NHSL1: variants seen among roughly 807,000 people sequenced by gnomAD.
NHSL1 encodes the protein NHS like 1, also known as NHS-like protein 1.
A neutral mutation model predicts 95.0 loss-of-function variants in NHSL1; 48 were observed. The observed-to-expected ratio is 0.51, with a 90% CI of 0.40 to 0.64. The LOEUF is 0.64. Ranked by LOEUF, NHSL1 falls within the 30% of genes least tolerant of loss-of-function variation. The pLI is 0.00. For missense variants in NHSL1, 1,971 were observed against 2,077.7 expected (o/e 0.95, Z 1.00); for synonymous variants, 783 against 833.9 (o/e 0.94, Z 1.05).
chr6:138,602,339 T>C (rs758499764), intron 1 of NHSL1, among the ~76,000 whole-genome samples: 3 of 152,042 alleles, frequency 2.0e-5, no homozygotes, highest in Non-Finnish European at 2.9e-5. Flanking sequence ...CGGTTATTGT[T>C]TTCTGTTTTT....
chr6:138,567,473 C>T (rs1267948171), intron 1 of NHSL1, among the ~76,000 whole-genome samples: 1 of 152,110 alleles, frequency 6.6e-6, no homozygotes, highest in East Asian at 1.9e-4. Context: ...ATTTTATTAT[C>T]AGAAATAGAT....
At chr6:138,484,088 T>G (rs1374698772) in intron 2 of NHSL1, among the ~76,000 whole-genome samples, 1 of 152,206 alleles carries the variant, frequency 6.6e-6, no homozygotes, top group Non-Finnish European at 1.5e-5. Context: ...GAAGATGATG[T>G]CTGGTGCACC....
At position 138,488,016 on chromosome 6, in the gene NHSL1, G is replaced by A. The variant is rs144370686; in HGVS notation, c.211+8203C>T. On this transcript the variant is annotated intron_variant, in intron 2 of 7. Coordinates refer to ENST00000343505, the MANE Select transcript of NHSL1 (RefSeq NM_001144060.2). ...TAAGTGGCTGGGCGTGGTGGCTCAC[G>A]TCTATAATCCCAGCACTTTGGGAGG... Among the ~76,000 whole-genome samples, 13 of 152,226 alleles carry A rather than the reference G, an allele frequency of 8.5e-5. No homozygotes were observed. In the East Asian group the frequency reaches 9.6e-4, roughly 11 times the overall value.
At chr6:138,604,581 A>C (rs889745180) in intron 1 of NHSL1, among the ~76,000 whole-genome samples, 9 of 152,202 alleles carry the variant, frequency 5.9e-5, no homozygotes, top group African/African-American at 2.2e-4. Flanking sequence ...TATCTGGTGA[A>C]TGAATGAATG....
intron 1 of NHSL1, among the ~76,000 whole-genome samples, chr6:138,682,831 C>G (rs2114788661): frequency 6.6e-6 from 1 of 152,288 alleles, no homozygotes; most frequent in South Asian, 2.1e-4. Flanking sequence ...TGTTTTTCAC[C>G]AAGCTCCCAG....
intron 1 of NHSL1, among the ~76,000 whole-genome samples, chr6:138,682,924 T>C (rs1368091588): frequency 6.6e-6 from 1 of 152,064 alleles, no homozygotes; most frequent in Non-Finnish European, 1.5e-5. Flanking sequence ...AAAGCCGAGG[T>C]GCAGGCTGAG....
chr6:138,579,693 G>A (rs997731412), intron 1 of NHSL1, among the ~76,000 whole-genome samples: 1 of 152,154 alleles, frequency 6.6e-6, no homozygotes, highest in Non-Finnish European at 1.5e-5. Context: ...GATCTGCTGG[G>A]TTCTACTAGG....
chr6:138,499,845 A>T (rs1421962945), upstream of NHSL1, among the ~76,000 whole-genome samples: 2 of 152,196 alleles, frequency 1.3e-5, no homozygotes, highest in Admixed American at 6.5e-5. Flanking sequence ...GGGGGGAAAA[A>T]AACCAAACTA....
chr6:138,667,107 G>A (rs922982771), intron 1 of NHSL1, among the ~76,000 whole-genome samples: 13 of 152,068 alleles, frequency 8.5e-5, no homozygotes, highest in African/African-American at 3.1e-4. Context: ...AGCCATTAGC[G>A]TTTCAGAGCT....
At chr6:138,469,393 C>T (rs1778605839) in intron 3 of NHSL1, among the ~76,000 whole-genome samples, 1 of 152,148 alleles carries the variant, frequency 6.6e-6, no homozygotes, top group East Asian at 1.9e-4. Flanking sequence ...ATCTTTGTCA[C>T]TGACAGCAGC....
upstream of NHSL1, among the ~76,000 whole-genome samples, chr6:138,546,330 C>A (rs1184547743): frequency 6.8e-6 from 1 of 146,336 alleles, no homozygotes; most frequent in East Asian, 2.1e-4. Context: ...GTGGCTCACA[C>A]CTATAATCCC....
intron 1 of NHSL1, among the ~76,000 whole-genome samples, chr6:138,566,253 C>T (rs1252109722): frequency 6.6e-6 from 1 of 151,618 alleles, no homozygotes; most frequent in African/African-American, 2.4e-5. Flanking sequence ...TAAAAATTAG[C>T]CGGGCGTGGT....
chr6:138,471,444 A>T (rs938359147), intron 3 of NHSL1, among the ~76,000 whole-genome samples: 1 of 152,180 alleles, frequency 6.6e-6, no homozygotes, highest in African/African-American at 2.4e-5. Context: ...AAAAATAAAA[A>T]TTTTCAAAAT....
chr6:138,558,774 G>C (rs1017422533), intron 1 of NHSL1, among the ~76,000 whole-genome samples: 14 of 152,198 alleles, frequency 9.2e-5, no homozygotes, highest in African/African-American at 3.4e-4. Flanking sequence ...GCCAGGCAGT[G>C]GCTCACGCCT....
chr6:138,690,442 TAAA>T (rs768221244), intron 1 of NHSL1, among the ~76,000 whole-genome samples: 2 of 145,832 alleles, frequency 1.4e-5, no homozygotes, highest in Non-Finnish European at 3.0e-5. Context: ...GCATGATTAT[TAAA>T]AAAAAAAAAA....
chr6:138,568,084 C>T (rs868422336), intron 1 of NHSL1, among the ~76,000 whole-genome samples: 3 of 152,306 alleles, frequency 2.0e-5, no homozygotes, highest in South Asian at 4.1e-4. Context: ...TCCTCAAGGA[C>T]CTTCCACAGT....
At chr6:138,487,454 T>C (rs1209836334) in intron 2 of NHSL1, among the ~76,000 whole-genome samples, 1 of 152,218 alleles carries the variant, frequency 6.6e-6, no homozygotes, top group African/African-American at 2.4e-5. Flanking sequence ...CACTATAATA[T>C]CCAGCCCAGT....
chr6:138,547,184 C>T (rs935618708), upstream of NHSL1, among the ~76,000 whole-genome samples: 2 of 152,088 alleles, frequency 1.3e-5, no homozygotes, highest in South Asian at 2.1e-4. Flanking sequence ...GCAGCATATC[C>T]CAGCTGGGTT....
At chr6:138,671,844 C>T (rs747327110) in intron 1 of NHSL1, among the ~76,000 whole-genome samples, 14 of 151,966 alleles carry the variant, frequency 9.2e-5, no homozygotes, top group Non-Finnish European at 1.6e-4. Flanking sequence ...TGGCTCTGCT[C>T]GAATGGTGGA....
Sources: gnomAD v4.1 joint callset for allele counts (sites outside exome capture counted in the v4.1 genomes callset) on GRCh38, gnomAD v4.1.1 for gene constraint, MANE v1.5 for transcripts, NCBI Gene and HGNC (gene_info 2026-07-23, HGNC 2026-07-21) for gene names.